TIAM1: variants seen among roughly 807,000 people sequenced by gnomAD.
TIAM1 encodes rho guanine nucleotide exchange factor TIAM1.
Under a neutral mutation model 163.5 loss-of-function variants are expected in TIAM1, and 65 were observed. The observed-to-expected ratio is 0.40, with a 90% CI of 0.33 to 0.49. The LOEUF (loss-of-function observed/expected upper bound fraction) is 0.49. Among genes scored for constraint, TIAM1 ranks in the 20% least tolerant of loss-of-function variants. The pLI, the probability that TIAM1 is intolerant of heterozygous loss-of-function variation, is 0.77. For missense variants in TIAM1, 1,789 were observed against 2,044.7 expected (o/e 0.87, Z 2.41); for synonymous variants, 833 against 810.1 (o/e 1.03, Z -0.48).
Position 31,384,778 on chromosome 21 carries a change from A to C in TIAM1, c.-368-45356T>G, listed in dbSNP as rs555817889. Among the ~76,000 whole-genome samples, 6 of 152,330 alleles carry C rather than the reference A, an allele frequency of 3.9e-5. No individual in the cohort carries two copies. The East Asian group carries it at 1.2e-3, about 29-fold the overall frequency. The stretch of plus-strand genomic sequence containing the variant: ...CACAGAAGGGCTACACATACCACTA[A>C]TGGAACAGGAAACCATTTTTAGTGG... On this transcript the variant is annotated intron_variant, in intron 2 of 28. Transcript: ENST00000286827.
intron 2 of TIAM1, among the ~76,000 whole-genome samples, chr21:31,295,239 G>A (rs1271024880): frequency 2.0e-5 from 3 of 152,160 alleles, no homozygotes; most frequent in Non-Finnish European, 4.4e-5. Flanking sequence ...GGGAGGCCAA[G>A]GCGGGCGGAT....
At chr21:31,512,905 A>G (rs2047261656) in intron 1 of TIAM1, among the ~76,000 whole-genome samples, 1 of 151,886 alleles carries the variant, frequency 6.6e-6, no homozygotes, top group Non-Finnish European at 1.5e-5. Flanking sequence ...CAGCCTCCCA[A>G]AGTGCTGTGA....
intron 20 of TIAM1, among the ~76,000 whole-genome samples, chr21:31,142,651 GAAAA>G (rs1198849402): frequency 6.9e-6 from 1 of 145,118 alleles, no homozygotes; most frequent in Non-Finnish European, 1.5e-5. Flanking sequence ...AAAAAAGAAA[GAAAA>G]AAAGAAAAAG....
chr21:31,417,819 G>C (rs1243875746), intron 2 of TIAM1, among the ~76,000 whole-genome samples: 1 of 152,104 alleles, frequency 6.6e-6, no homozygotes, highest in Non-Finnish European at 1.5e-5. Context: ...ACACCTGAAG[G>C]GGGTACATTA....
chr21:31,394,799 C>T (rs2077034574), intron 2 of TIAM1, among the ~76,000 whole-genome samples: 1 of 151,482 alleles, frequency 6.6e-6, no homozygotes, highest in Non-Finnish European at 1.5e-5. Context: ...AGGGCAAACA[C>T]ACAGGGCTCC....
At position 31,146,994 on chromosome 21, in the gene TIAM1, A is replaced by C; in HGVS notation, c.3376T>G (p.Phe1126Val). The change falls in exon 20 of 28, where the codon TTC becomes GTC. Residue 1126 changes from phenylalanine to valine, a missense_variant. By Grantham distance (50) the Phe-to-Val change is conservative. Coordinates refer to ENST00000541036, the MANE Select transcript of TIAM1 (RefSeq NM_001353694.2). ...TACAGGAATGATCCCCCCAGAGAGA[A>C]CAGCACTTTCTGGATTTGACGAGAA... The part of the protein sequence containing the change: ...EKVDQFKKVL[F>V]SLGGSFLYYA... The C allele has an allele frequency of 6.2e-7, 1 of 1,613,244 alleles. No individual in the cohort carries two copies. The highest frequency in any genetic ancestry group is 8.5e-7 in the Non-Finnish European group (1 of 1,179,296).
intron 2 of TIAM1, among the ~76,000 whole-genome samples, chr21:31,337,518 G>GTTGTTGTTATTATTATTATTA (rs139117633): frequency 6.8e-6 from 1 of 147,258 alleles, no homozygotes; most frequent in Non-Finnish European, 1.5e-5. Flanking sequence ...TATTATTGTT[G>GTTGTTGTTATTATTATTATTA]TTATTATTAT....
intron 1 of TIAM1, among the ~76,000 whole-genome samples, chr21:31,545,394 T>C (rs941750706): frequency 3.3e-5 from 5 of 152,208 alleles, no homozygotes; most frequent in Non-Finnish European, 5.9e-5. Context: ...TAAACTTCTG[T>C]TGTCTTAAGT....
At chr21:31,187,598 A>T (rs73899677) in intron 13 of TIAM1, among the ~76,000 whole-genome samples, 1,642 of 152,270 alleles carry the variant, frequency 0.011, 30 homozygotes, top group African/African-American at 0.036. Context: ...TGTAATGTGA[A>T]TTACACATTA....
chr21:31,146,716 AAAAAAAAATG>A (rs2083136556), intron 20 of TIAM1, among the ~76,000 whole-genome samples, 169 bp downstream of exon 20: 1 of 151,344 alleles, frequency 6.6e-6, no homozygotes, highest in South Asian at 2.1e-4. Flanking sequence ...GTCTCAAAAA[AAAAAAAAATG>A]AAAAAAAAAT....
chr21:31,393,561 T>C (rs1161844668), intron 2 of TIAM1, among the ~76,000 whole-genome samples: 2 of 152,208 alleles, frequency 1.3e-5, no homozygotes, highest in African/African-American at 4.8e-5. Context: ...GGATTCCACA[T>C]GAATGTCGGG....
chr21:31,244,689 C>A (rs554304592), intron 6 of TIAM1, among the ~76,000 whole-genome samples: 92 of 152,314 alleles, frequency 6.0e-4, no homozygotes, highest in African/African-American at 2.1e-3. Flanking sequence ...CGTGCCACTG[C>A]ACTTCCAGCA....
chr21:31,296,903 T>C (rs1329979574), intron 2 of TIAM1, among the ~76,000 whole-genome samples: 1 of 152,156 alleles, frequency 6.6e-6, no homozygotes, highest in African/African-American at 2.4e-5. Context: ...GACCTCATAA[T>C]CCGCCCGCCT....
chr21:31,552,383 G>T (rs372566576), intron 1 of TIAM1, among the ~76,000 whole-genome samples: 3 of 152,248 alleles, frequency 2.0e-5, no homozygotes, highest in South Asian at 4.2e-4. Flanking sequence ...GTAAAATTGT[G>T]AATTAAGTGT....
At position 31,438,179 on chromosome 21, in the gene TIAM1, C is replaced by CTTTTTTTTTTTTTTTTTTTTTT. The variant is rs34844399; in HGVS notation, c.-369+25782_-369+25803dup. On this transcript the variant is annotated intron_variant, in intron 2 of 28. Transcript: ENST00000286827. Reference sequence around the variant, plus strand: ...ACATATGTAATTGCGTATTTGTGATCTTTTTTTTTTTTTTTTTTTTTTTTT... The same window carrying CTTTTTTTTTTTTTTTTTTTTTT: ...ACATATGTAATTGCGTATTTGTGATCTTTTTTTTTTTTTTTTTTTTTTTTTTTTTTTTTTTTTTTTTTTTTTT... 9.6e-5 allele frequency among the ~76,000 whole-genome samples: 6 copies of CTTTTTTTTTTTTTTTTTTTTTT among 62,686 alleles called. 3 individuals are homozygous for CTTTTTTTTTTTTTTTTTTTTTT. Among genetic ancestry groups the CTTTTTTTTTTTTTTTTTTTTTT allele is most frequent in the African/African-American group, 4.2e-4 (6 of 14,252 alleles). 41.1% of individuals were successfully genotyped at this position (62,686 alleles called of 152,430 possible).
At chr21:31,552,274 A>G (rs1250279506) in intron 1 of TIAM1, among the ~76,000 whole-genome samples, 3 of 151,972 alleles carry the variant, frequency 2.0e-5, no homozygotes, top group African/African-American at 7.2e-5. Context: ...TTATTTTTAC[A>G]ATCAAATCGA....
At chr21:31,122,188 G>A (rs1344091225) in intron 27 of TIAM1, among the ~76,000 whole-genome samples, 2 of 152,082 alleles carry the variant, frequency 1.3e-5, no homozygotes, top group Admixed American at 1.3e-4. Flanking sequence ...ATCTAAAACT[G>A]TGGAACAAAT....
chr21:31,151,219 A>G (rs2083355092), intron 19 of TIAM1, among the ~76,000 whole-genome samples: 1 of 152,234 alleles, frequency 6.6e-6, no homozygotes, highest in Admixed American at 6.5e-5. Flanking sequence ...CTTCCTGGGT[A>G]CTTAAGAGAA....
At chr21:31,235,847 G>C (rs2088723275) in intron 6 of TIAM1, among the ~76,000 whole-genome samples, 1 of 152,104 alleles carries the variant, frequency 6.6e-6, no homozygotes, top group African/African-American at 2.4e-5. Context: ...AACCTCTGAG[G>C]CACCCACAAG....
Sources: allele counts gnomAD v4.1 joint callset (sites outside exome capture counted in the v4.1 genomes callset), GRCh38; gene constraint gnomAD v4.1.1; transcripts MANE v1.5; gene names NCBI Gene and HGNC (gene_info 2026-07-23, HGNC 2026-07-21).